The following CCBE1 variants were observed in gnomAD, a reference collection of about 807,000 sequenced individuals.
The protein encoded by CCBE1 is collagen and calcium-binding EGF domain-containing protein 1.
A neutral mutation model predicts 50.0 loss-of-function variants in CCBE1; 37 were observed. The ratio of observed to expected loss-of-function variants is 0.74; its 90% CI spans 0.57 to 0.97. The LOEUF (loss-of-function observed/expected upper bound fraction) is 0.97, where lower values mean the gene tolerates loss of function less well. Among genes scored for constraint, CCBE1 ranks in the 50% least tolerant of loss-of-function variants. The probability of loss-of-function intolerance (pLI) is 0.00; values close to 1 mark genes in which losing one functional copy is unlikely to be tolerated. For missense variants in CCBE1, 538 were observed against 523.8 expected (o/e 1.03, Z -0.26); for synonymous variants, 234 against 203.7 (o/e 1.15, Z -1.27).
chr18:59,690,422 A>G (rs1040020930), intron 2 of CCBE1, among the ~76,000 whole-genome samples: 1 of 152,248 alleles, frequency 6.6e-6, no homozygotes, highest in Non-Finnish European at 1.5e-5. Context: ...CAATGCCTTA[A>G]ATGCCAGCAG....
At chr18:59,450,288 G>A (rs1025344130) in intron 6 of CCBE1, among the ~76,000 whole-genome samples, 6 of 152,122 alleles carry the variant, frequency 3.9e-5, no homozygotes, top group African/African-American at 1.4e-4. Context: ...CATTTGTAGA[G>A]CTCTTTCTAG....
chr18:59,692,723 A>T (rs2054748432), intron 2 of CCBE1, among the ~76,000 whole-genome samples: 1 of 152,184 alleles, frequency 6.6e-6, no homozygotes, highest in South Asian at 2.1e-4. Context: ...TGGGTGTTTT[A>T]CATCCCCCAT....
At chr18:59,669,001 T>C (rs563788064) in intron 2 of CCBE1, among the ~76,000 whole-genome samples, 3 of 151,712 alleles carry the variant, frequency 2.0e-5, no homozygotes, top group Admixed American at 2.0e-4. Flanking sequence ...ACCTGGCTAA[T>C]TTTTGTATTT....
At chr18:59,497,683 C>T (rs943812810) in intron 2 of CCBE1, among the ~76,000 whole-genome samples, 2 of 152,184 alleles carry the variant, frequency 1.3e-5, no homozygotes, top group African/African-American at 4.8e-5. Context: ...CCTCCAACCA[C>T]CCAGGTACCC....
chr18:59,473,672 C>G (rs1392206516), intron 3 of CCBE1, among the ~76,000 whole-genome samples: 1 of 144,708 alleles, frequency 6.9e-6, no homozygotes, highest in African/African-American at 2.6e-5. Flanking sequence ...TTTCCGCCCT[C>G]CACTACTCAC....
chr18:59,539,697 C>T (rs1174805717), intron 2 of CCBE1, among the ~76,000 whole-genome samples: 1 of 152,168 alleles, frequency 6.6e-6, no homozygotes, highest in Non-Finnish European at 1.5e-5. Context: ...TGAATCTGAC[C>T]TTATCTTCTG....
chr18:59,618,177 G>A (rs1291882568), intron 2 of CCBE1, among the ~76,000 whole-genome samples: 4 of 152,054 alleles, frequency 2.6e-5, no homozygotes, highest in Admixed American at 1.3e-4. Context: ...AGCTGAGAGC[G>A]GTGGCTCATG....
chr18:59,684,414 A>ACT (rs1377132770), intron 2 of CCBE1, among the ~76,000 whole-genome samples: 1 of 152,118 alleles, frequency 6.6e-6, no homozygotes, highest in Non-Finnish European at 1.5e-5. Flanking sequence ...GTGCCACAGC[A>ACT]CTCCAGCCTG....
At chr18:59,694,134 T>C (rs990529542) in intron 2 of CCBE1, among the ~76,000 whole-genome samples, 5 of 152,166 alleles carry the variant, frequency 3.3e-5, no homozygotes, top group African/African-American at 1.2e-4. Context: ...CCTCCCAAAG[T>C]GCTGGGATTA....
chr18:59,580,950 TGAGGA>T (rs2053075928), intron 2 of CCBE1, among the ~76,000 whole-genome samples: 1 of 152,152 alleles, frequency 6.6e-6, no homozygotes, highest in Admixed American at 6.5e-5. Flanking sequence ...CTCCCGTGGA[TGAGGA>T]GAGGCACCAG....
chr18:59,690,163 A>G (rs2054710375), intron 2 of CCBE1, among the ~76,000 whole-genome samples: 1 of 152,176 alleles, frequency 6.6e-6, no homozygotes, highest in Non-Finnish European at 1.5e-5. Context: ...AATGTCTAGA[A>G]CAGTGCCTGG....
At chr18:59,479,205 C>A (rs1240013754) in intron 3 of CCBE1, among the ~76,000 whole-genome samples, 5 of 152,094 alleles carry the variant, frequency 3.3e-5, no homozygotes, top group Admixed American at 2.0e-4. Context: ...ACAAGCTTAA[C>A]CTCATGCCCT....
At chr18:59,483,735 T>C (rs985142581) in intron 2 of CCBE1, among the ~76,000 whole-genome samples, 4 of 152,202 alleles carry the variant, frequency 2.6e-5, no homozygotes, top group Admixed American at 6.5e-5. Flanking sequence ...CTGTAACATT[T>C]CTCACATGCA....
chr18:59,446,378 ATGC>A (rs2143643707), intron 7 of CCBE1, among the ~76,000 whole-genome samples: 1 of 152,298 alleles, frequency 6.6e-6, no homozygotes, highest in Non-Finnish European at 1.5e-5. Flanking sequence ...GGAGAGCACT[ATGC>A]TAGGAAGCAG....
chr18:59,633,946 T>C (rs564798523), intron 2 of CCBE1, among the ~76,000 whole-genome samples: 123 of 152,094 alleles, frequency 8.1e-4, no homozygotes, highest in Admixed American at 2.6e-3. Context: ...AAGGTAGACA[T>C]GGCCAATATG....
At chr18:59,594,552 T>C (rs1413411398) in intron 2 of CCBE1, among the ~76,000 whole-genome samples, 2 of 152,182 alleles carry the variant, frequency 1.3e-5, no homozygotes, top group Non-Finnish European at 2.9e-5. Context: ...GTTATGTATG[T>C]TTTTCTACAA....
At chr18:59,594,525 G>T (rs544001461) in intron 2 of CCBE1, among the ~76,000 whole-genome samples, 80 of 152,328 alleles carry the variant, frequency 5.3e-4, no homozygotes, top group African/African-American at 1.9e-3. Context: ...ACTTAATGGT[G>T]AAAGCAGTAA....
intron 2 of CCBE1, among the ~76,000 whole-genome samples, chr18:59,684,404 G>A (rs550136170): frequency 1.3e-5 from 2 of 152,238 alleles, no homozygotes; most frequent in South Asian, 2.1e-4. Flanking sequence ...AGCTAAGATC[G>A]TGCCACAGCA....
intron 6 of CCBE1, among the ~76,000 whole-genome samples, chr18:59,454,159 T>TC (rs1246287121): frequency 6.6e-6 from 1 of 152,168 alleles, no homozygotes; most frequent in African/African-American, 2.4e-5. Context: ...AATGTACAGA[T>TC]CTTAGATAAA....
Sources: gnomAD v4.1 joint callset for allele counts (sites outside exome capture counted in the v4.1 genomes callset) on GRCh38, gnomAD v4.1.1 for gene constraint, MANE v1.5 for transcripts, NCBI Gene and HGNC (gene_info 2026-07-23, HGNC 2026-07-21) for gene names.